Variants in TNRC6B observed in about 807,000 individuals in gnomAD.
TNRC6B encodes the protein trinucleotide repeat-containing gene 6B protein.
TNRC6B carries 52 observed loss-of-function variants against 203.6 expected under a neutral mutation model. That is an observed-to-expected ratio of 0.26 (90% CI 0.20 to 0.32). TNRC6B has a LOEUF of 0.32. Among genes scored for constraint, TNRC6B ranks in the 10% least tolerant of loss-of-function variants. The pLI, the probability that TNRC6B is intolerant of heterozygous loss-of-function variation, is 1.00. For synonymous variants in TNRC6B, 838 were observed against 845.7 expected, an observed-to-expected ratio of 0.99 and a Z score of 0.16; for missense variants, 1,923 against 2,286.2, an observed-to-expected ratio of 0.84 and a Z score of 3.24.
At chr22:40,156,527 A>G (rs952757225) in intron 4 of TNRC6B, among the ~76,000 whole-genome samples, 1 of 152,174 alleles carries the variant, frequency 6.6e-6, no homozygotes, top group Non-Finnish European at 1.5e-5. Flanking sequence ...TGTCTTTCTG[A>G]AGTGAACTAA....
intron 1 of TNRC6B, among the ~76,000 whole-genome samples, chr22:40,226,464 T>G (rs980828275): frequency 1.3e-5 from 2 of 152,188 alleles, no homozygotes; most frequent in African/African-American, 2.4e-5. Flanking sequence ...ATCACTTGTT[T>G]GCAGTAGATA....
chr22:40,186,763 AAAG>A (rs2069209497), intron 1 of TNRC6B, among the ~76,000 whole-genome samples: 2 of 151,998 alleles, frequency 1.3e-5, no homozygotes, highest in Admixed American at 6.6e-5. Context: ...TTAAAAATAA[AAAG>A]AAATAAGTGA....
At chr22:40,128,788 G>A (rs138958122) in intron 3 of TNRC6B, among the ~76,000 whole-genome samples, 2 of 152,072 alleles carry the variant, frequency 1.3e-5, no homozygotes, top group African/African-American at 2.4e-5. Context: ...CTCCCAAAGT[G>A]CTGGAATTAT....
chr22:40,236,543 A>C (rs1296263903), intron 1 of TNRC6B, among the ~76,000 whole-genome samples: 1 of 151,936 alleles, frequency 6.6e-6, no homozygotes, highest in African/African-American at 2.4e-5. Flanking sequence ...GATTTTGTGG[A>C]GTTGGAACTA....
At chr22:40,054,819 C>T (rs906713487) in intron 1 of TNRC6B, among the ~76,000 whole-genome samples, 1 of 151,624 alleles carries the variant, frequency 6.6e-6, no homozygotes, top group Non-Finnish European at 1.5e-5. Flanking sequence ...AGGCAGGTCA[C>T]TTGAGTCCAG....
chr22:40,272,916 TA>T (rs1214242394), intron 6 of TNRC6B, among the ~76,000 whole-genome samples: 2 of 152,216 alleles, frequency 1.3e-5, no homozygotes, highest in Admixed American at 6.5e-5. Context: ...AAAAATGTTA[TA>T]AAAAATTTTC....
chr22:40,292,166 C>G (rs975674316), intron 12 of TNRC6B, among the ~76,000 whole-genome samples: 1 of 151,740 alleles, frequency 6.6e-6, no homozygotes, highest in Non-Finnish European at 1.5e-5. Flanking sequence ...TGCGCTCCAG[C>G]TTGGGCGACA....
chr22:40,152,038 C>T (rs1006746391), intron 3 of TNRC6B, among the ~76,000 whole-genome samples: 11 of 152,068 alleles, frequency 7.2e-5, no homozygotes, highest in Non-Finnish European at 1.0e-4. Flanking sequence ...AAGTACTTAC[C>T]TAGCACCAGT....
chr22:40,276,172 C>T (rs573627439), intron 7 of TNRC6B, among the ~76,000 whole-genome samples: 137 of 151,866 alleles, frequency 9.0e-4, no homozygotes, highest in Middle Eastern at 3.4e-3. Flanking sequence ...ATGGTTAAAC[C>T]CCATCTCTAC....
intron 1 of TNRC6B, among the ~76,000 whole-genome samples, chr22:40,196,624 ATGGAACTCTTGCTGATGTTTTTTTC>A (rs138370975): frequency 0.68 from 101,659 of 150,574 alleles, 36,285 homozygotes; most frequent in African/African-American, 0.9. Context: ...TTTTTAGATT[ATGGAACTCTTGCTGATGTTTTTTTC>A]TGGAACTCTT....
intron 1 of TNRC6B, among the ~76,000 whole-genome samples, chr22:40,227,693 G>A (rs1302048161): frequency 6.6e-6 from 1 of 152,102 alleles, no homozygotes; most frequent in African/African-American, 2.4e-5. Context: ...CTGTGATTTT[G>A]ATGTTGAACT....
intron 3 of TNRC6B, among the ~76,000 whole-genome samples, chr22:40,260,387 A>G (rs1417597988): frequency 6.6e-5 from 10 of 152,156 alleles, no homozygotes; most frequent in Admixed American, 5.2e-4. Context: ...GAAAGAAAAG[A>G]TGAAAGATGG....
rs958330668 is a variant in TNRC6B, at chr22:40,312,897, C to T, written c.4583-5C>T. ...GTATTTTCTTCTTGTTCTTTGTTAC[C>T]CAAGGGTCTAATTCTTCCCTCAACA... On this transcript the variant is annotated splice_region_variant and splice_polypyrimidine_tract_variant and intron_variant, in intron 18 of 22. Transcript: ENST00000454349. 1.2e-6 allele frequency: 2 copies of T among 1,612,388 alleles called. No homozygotes were observed. Among genetic ancestry groups the T allele is most frequent in the Non-Finnish European group, 1.7e-6 (2 of 1,179,068 alleles).
At chr22:40,097,669 T>TACAC (rs6147625) in intron 1 of TNRC6B, among the ~76,000 whole-genome samples, 7,743 of 135,502 alleles carry the variant, frequency 0.057, 262 homozygotes, top group East Asian at 0.11. Context: ...AGGTATATCA[T>TACAC]ACACACACAC....
intron 19 of TNRC6B, among the ~76,000 whole-genome samples, chr22:40,313,215 G>T (rs2071210457): frequency 6.6e-6 from 1 of 152,206 alleles, no homozygotes. Flanking sequence ...GATGAGGCCG[G>T]TAGTGACATA....
intron 12 of TNRC6B, among the ~76,000 whole-genome samples, chr22:40,292,713 G>A (rs138997126): frequency 0.011 from 1,638 of 152,296 alleles, 32 homozygotes; most frequent in African/African-American, 0.037. Flanking sequence ...GCCTAGTGGC[G>A]CTTTTCCCTG....
At chr22:40,171,248 G>A (rs545538456) in intron 4 of TNRC6B, among the ~76,000 whole-genome samples, 6 of 142,124 alleles carry the variant, frequency 4.2e-5, no homozygotes, top group South Asian at 2.2e-4. Context: ...TGCAACCTCC[G>A]CTTCCCGGAT....
At chr22:40,059,839 C>G (rs1173859315) in intron 1 of TNRC6B, among the ~76,000 whole-genome samples, 2 of 147,472 alleles carry the variant, frequency 1.4e-5, no homozygotes, top group Non-Finnish European at 3.0e-5. Flanking sequence ...TTTTTTTCCC[C>G]CCGAGACGGA....
chr22:40,232,217 C>T (rs541862721), intron 1 of TNRC6B, among the ~76,000 whole-genome samples: 6 of 152,254 alleles, frequency 3.9e-5, no homozygotes, highest in Non-Finnish European at 4.4e-5. Flanking sequence ...GTATTAGCAG[C>T]GGCATATCAT....
Sources: allele counts gnomAD v4.1 joint callset (sites outside exome capture counted in the v4.1 genomes callset), GRCh38; gene constraint gnomAD v4.1.1; transcripts MANE v1.5; gene names NCBI Gene and HGNC (gene_info 2026-07-23, HGNC 2026-07-21).